The following GRK5 variants were observed in gnomAD, a reference collection of about 807,000 sequenced individuals.
GRK5 encodes g protein-coupled receptor kinase GRK5.
GRK5 carries 40 observed loss-of-function variants against 78.4 expected under a neutral mutation model. That is an observed-to-expected ratio of 0.51 (90% CI 0.40 to 0.66). The LOEUF (loss-of-function observed/expected upper bound fraction) is 0.66, where lower values mean the gene tolerates loss of function less well. GRK5 is among the 30% of genes least tolerant of loss of function. The pLI is 0.00. For missense variants in GRK5, 598 were observed against 759.9 expected (o/e 0.79, Z 2.50); for synonymous variants, 289 against 296.8 (o/e 0.97, Z 0.27).
At chr10:119,248,832 T>C (rs1443913590) in intron 1 of GRK5, among the ~76,000 whole-genome samples, 1 of 152,246 alleles carries the variant, frequency 6.6e-6, no homozygotes, top group African/African-American at 2.4e-5. Flanking sequence ...GCTTTTTTCA[T>C]GCCACAGAAT....
At chr10:119,352,232 C>T (rs1022315156) in intron 2 of GRK5, among the ~76,000 whole-genome samples, 14 of 152,182 alleles carry the variant, frequency 9.2e-5, no homozygotes, top group African/African-American at 3.1e-4. Flanking sequence ...TTTTATCTCT[C>T]GATTCCACTA....
rs1462987316 is a variant in GRK5, at chr10:119,456,462, C to T, written c.*1395C>T. 1 of 152,250 alleles carries T rather than the reference C, an allele frequency of 6.6e-6. No individual in the cohort carries two copies. The highest frequency in any genetic ancestry group is 1.5e-5 in the Non-Finnish European group (1 of 68,078). 9.4% of individuals were successfully genotyped at this position (152,250 alleles called of 1,614,324 possible). A position where few individuals can be genotyped will look rare whatever the true frequency, so the allele number is the denominator to read the frequency against. On this transcript the variant is annotated 3_prime_UTR_variant, in exon 16 of 16. Coordinates refer to ENST00000392870, the MANE Select transcript of GRK5 (RefSeq NM_005308.3). The surrounding 1 kb of genome is among the most constrained non-coding windows in gnomAD (Gnocchi z 5.5). Reference sequence around the variant, plus strand: ...TGTCCATCCCCAGGGAGCAGCTGGCCACCTCCTCCTGCCTCGAAGAAGTGA... The same window carrying T: ...TGTCCATCCCCAGGGAGCAGCTGGCTACCTCCTCCTGCCTCGAAGAAGTGA...
chr10:119,218,004 TC>T (rs1490294632), intron 1 of GRK5, among the ~76,000 whole-genome samples: 1 of 152,186 alleles, frequency 6.6e-6, no homozygotes, highest in Non-Finnish European at 1.5e-5. Flanking sequence ...AAAAGCTCTC[TC>T]CGGATGACCC....
At chr10:119,434,265 C>A (rs982085870) in intron 8 of GRK5, among the ~76,000 whole-genome samples, 2 of 152,174 alleles carry the variant, frequency 1.3e-5, no homozygotes, top group African/African-American at 4.8e-5. Flanking sequence ...CATTTCAAAA[C>A]CAATCATGCC....
At chr10:119,329,021 G>C (rs979429598) in intron 2 of GRK5, among the ~76,000 whole-genome samples, 3 of 152,214 alleles carry the variant, frequency 2.0e-5, no homozygotes, top group Non-Finnish European at 4.4e-5. Context: ...CGTAGTTGGT[G>C]CCTGCCTCAC....
intron 1 of GRK5, among the ~76,000 whole-genome samples, chr10:119,216,010 C>G (rs924285948): frequency 5.3e-5 from 8 of 152,166 alleles, no homozygotes; most frequent in African/African-American, 1.9e-4. Flanking sequence ...ACTCACTGTT[C>G]TTGTATCCAC....
At chr10:119,251,622 A>G (rs1009206107) in intron 1 of GRK5, among the ~76,000 whole-genome samples, 4 of 152,250 alleles carry the variant, frequency 2.6e-5, no homozygotes, top group Non-Finnish European at 5.9e-5. Flanking sequence ...TAAAGCGATG[A>G]TGAAAGATGT....
chr10:119,276,015 C>A (rs1043769309), intron 1 of GRK5, among the ~76,000 whole-genome samples: 3 of 152,162 alleles, frequency 2.0e-5, no homozygotes, highest in Non-Finnish European at 4.4e-5. Flanking sequence ...CAGTGTCCTT[C>A]CTCCTCTGTT....
intron 1 of GRK5, among the ~76,000 whole-genome samples, chr10:119,210,068 A>G (rs2133693679): frequency 6.6e-6 from 1 of 152,298 alleles, no homozygotes; most frequent in Non-Finnish European, 1.5e-5. Context: ...GCAGGCTGGA[A>G]GCTTGTGTGG....
intron 1 of GRK5, among the ~76,000 whole-genome samples, chr10:119,311,569 T>G (rs776297578): frequency 4.6e-5 from 7 of 152,120 alleles, no homozygotes; most frequent in Non-Finnish European, 7.4e-5. Context: ...GGTGGATCAC[T>G]TGAGCTCAGG....
intron 15 of GRK5, among the ~76,000 whole-genome samples, chr10:119,454,216 G>A (rs548043976): frequency 7.0e-4 from 107 of 152,338 alleles, no homozygotes; most frequent in Admixed American, 3.9e-3. Flanking sequence ...GGCCAGGCAT[G>A]CTAAGAACAC....
At chr10:119,391,208 G>T (rs1851882955) in intron 3 of GRK5, among the ~76,000 whole-genome samples, 1 of 152,242 alleles carries the variant, frequency 6.6e-6, no homozygotes, top group East Asian at 1.9e-4. Context: ...GCCTGAGAGG[G>T]CCGCTCAGAT....
chr10:119,372,787 A>C (rs1271964046), intron 2 of GRK5, among the ~76,000 whole-genome samples: 1 of 151,656 alleles, frequency 6.6e-6, no homozygotes, highest in Non-Finnish European at 1.5e-5. Context: ...AAGAAAAAGT[A>C]ACTTTCCTTA....
chr10:119,358,699 G>A (rs1180345317), intron 2 of GRK5, among the ~76,000 whole-genome samples: 1 of 152,190 alleles, frequency 6.6e-6, no homozygotes. Context: ...TGAGCCTCAA[G>A]CCTTGCTCTT....
chr10:119,268,595 C>G (rs1262386084), intron 1 of GRK5, among the ~76,000 whole-genome samples: 1 of 152,164 alleles, frequency 6.6e-6, no homozygotes, highest in Non-Finnish European at 1.5e-5. Flanking sequence ...CCCTGAGCCT[C>G]TGTGTTTTCA....
At chr10:119,326,452 C>A in intron 1 of GRK5, 64 bp from the exon 2 acceptor site, 2 of 1,363,826 alleles carry the variant, frequency 1.5e-6, no homozygotes, top group Non-Finnish European at 2.1e-6. Flanking sequence ...GGTGGGCAGG[C>A]TCACTGCGGG....
At chr10:119,356,702 A>G (rs1851267264) in intron 2 of GRK5, among the ~76,000 whole-genome samples, 1 of 152,154 alleles carries the variant, frequency 6.6e-6, no homozygotes, top group African/African-American at 2.4e-5. Flanking sequence ...AGATGCCAAG[A>G]ATAGAGAAGA....
intron 12 of GRK5, among the ~76,000 whole-genome samples, chr10:119,446,794 C>T (rs1853158042): frequency 6.6e-6 from 1 of 152,138 alleles, no homozygotes; most frequent in African/African-American, 2.4e-5. Context: ...GTTTGGGGGG[C>T]AGCCCCCTCC....
At chr10:119,349,426 C>T (rs1262629700) in intron 2 of GRK5, among the ~76,000 whole-genome samples, 1 of 152,226 alleles carries the variant, frequency 6.6e-6, no homozygotes, top group Non-Finnish European at 1.5e-5. Context: ...GTTCCTTGCC[C>T]CTCCACTTAC....
Sources: allele counts gnomAD v4.1 joint callset (sites outside exome capture counted in the v4.1 genomes callset), GRCh38; gene constraint gnomAD v4.1.1; non-coding constraint Gnocchi (gnomAD v3.1); transcripts MANE v1.5; gene names NCBI Gene and HGNC (gene_info 2026-07-23, HGNC 2026-07-21).